Variants in UNC5D observed in about 807,000 individuals in gnomAD.
The protein encoded by UNC5D is unc-5 netrin receptor D, also known as netrin receptor UNC5D.
In UNC5D, 39 loss-of-function variants were observed where a neutral mutation model predicts 105.4. The observed-to-expected ratio is 0.37, with a 90% CI of 0.29 to 0.48. UNC5D has a LOEUF of 0.48. UNC5D is among the 20% of genes least tolerant of loss of function. UNC5D has a pLI of 0.98. For synonymous variants in UNC5D, 452 were observed against 450.4 expected (o/e 1.00, Z -0.04); for missense variants, 991 against 1,202.4 (o/e 0.82, Z 2.60).
chr8:35,391,441 T>C (rs1803765066), intron 1 of UNC5D, among the ~76,000 whole-genome samples: 1 of 152,214 alleles, frequency 6.6e-6, no homozygotes, highest in Admixed American at 6.5e-5. Context: ...TCAATTAATG[T>C]ATATTTTTAT....
chr8:35,272,568 A>G (rs1411881506), intron 1 of UNC5D, among the ~76,000 whole-genome samples: 1 of 151,982 alleles, frequency 6.6e-6, no homozygotes, highest in African/African-American at 2.4e-5. Flanking sequence ...CCCCAATGTC[A>G]CCTAACATGG....
In UNC5D at chr8:35,235,624, G is replaced by A. The variant is rs1367730459; in HGVS notation, c.-161G>A. Reference sequence around the variant, plus strand: ...TTTCTCGGGGTGCCCATTCAGCGGCGGCTCGGAGCTCCCTGCCCCGCTGCT... The same window carrying A: ...TTTCTCGGGGTGCCCATTCAGCGGCAGCTCGGAGCTCCCTGCCCCGCTGCT... On this transcript the variant is annotated 5_prime_UTR_variant, in exon 1 of 17. Transcript: ENST00000404895. 3 of 486,976 alleles carry A rather than the reference G, an allele frequency of 6.2e-6. No individual in the cohort carries two copies. Among genetic ancestry groups the A allele is most frequent in the Non-Finnish European group, 9.6e-6 (3 of 311,320 alleles). The allele number at this position is 486,976 out of a possible 1,614,324, so 30.2% of individuals were successfully genotyped here. A position where few individuals can be genotyped will look rare whatever the true frequency, so the allele number is the denominator to read the frequency against.
At chr8:35,553,363 A>C (rs1816306554) in intron 2 of UNC5D, among the ~76,000 whole-genome samples, 1 of 152,162 alleles carries the variant, frequency 6.6e-6, no homozygotes, top group Non-Finnish European at 1.5e-5. Flanking sequence ...CTTAAAAAAA[A>C]AAAAGAAAGC....
Position 35,796,429 on chromosome 8 carries a change from CAAAAAAAAAAAA to C in UNC5D, c.*5878_*5889del, listed in dbSNP as rs1160651781. The C allele has an allele frequency of 1.6e-5, 1 of 61,788 alleles. No individual in the cohort carries two copies. The highest frequency in any genetic ancestry group is 5.3e-5 in the African/African-American group (1 of 18,912). 3.8% of individuals were successfully genotyped at this position (61,788 alleles called of 1,614,324 possible). Reference sequence around the variant, plus strand: ...GTTTGGATGTTTTATGTCGAGTTTGCAAAAAAAAAAAAAAAAAAAAAAACTGGATGGTTGCAG... The same window carrying C: ...GTTTGGATGTTTTATGTCGAGTTTGCAAAAAAAAAAACTGGATGGTTGCAG... On this transcript the variant is annotated 3_prime_UTR_variant, in exon 17 of 17. Transcript: ENST00000404895.
At chr8:35,244,696 T>G (rs1289571705) in intron 1 of UNC5D, among the ~76,000 whole-genome samples, 1 of 152,186 alleles carries the variant, frequency 6.6e-6, no homozygotes, top group Non-Finnish European at 1.5e-5. Flanking sequence ...ACAGTAGTTT[T>G]TCTCAGGTTT....
chr8:35,611,010 CAA>C (rs11314770), intron 4 of UNC5D, among the ~76,000 whole-genome samples: 284 of 60,090 alleles, frequency 4.7e-3, no homozygotes, highest in East Asian at 0.015. Flanking sequence ...GACAAAGAAG[CAA>C]AAAAAAAAAA....
intron 3 of UNC5D, among the ~76,000 whole-genome samples, chr8:35,588,723 A>G (rs1441532907): frequency 6.6e-6 from 1 of 152,134 alleles, no homozygotes; most frequent in Non-Finnish European, 1.5e-5. Context: ...TTGCACTTCT[A>G]CACAACTCAT....
chr8:35,644,842 T>A (rs901935600), intron 4 of UNC5D, among the ~76,000 whole-genome samples: 3 of 152,194 alleles, frequency 2.0e-5, no homozygotes, highest in Non-Finnish European at 4.4e-5. Flanking sequence ...TAGATGTTTA[T>A]GTCTAGGATT....
At chr8:35,562,004 C>T (rs1398231057) in intron 2 of UNC5D, among the ~76,000 whole-genome samples, 1 of 152,074 alleles carries the variant, frequency 6.6e-6, no homozygotes, top group Non-Finnish European at 1.5e-5. Flanking sequence ...TTTTATTACC[C>T]ATTCTTCAAC....
chr8:35,375,636 A>C (rs1156860685), intron 1 of UNC5D, among the ~76,000 whole-genome samples: 2 of 152,334 alleles, frequency 1.3e-5, no homozygotes, highest in East Asian at 3.9e-4. Flanking sequence ...GTTACAAATC[A>C]CCAACATTTG....
chr8:35,265,239 C>T (rs895853021), intron 1 of UNC5D, among the ~76,000 whole-genome samples: 1 of 152,088 alleles, frequency 6.6e-6, no homozygotes, highest in Non-Finnish European at 1.5e-5. Context: ...TAATCATATT[C>T]TCTAAATATG....
intron 4 of UNC5D, among the ~76,000 whole-genome samples, chr8:35,609,141 T>A (rs745937028): frequency 5.9e-5 from 9 of 152,202 alleles, no homozygotes; most frequent in Non-Finnish European, 8.8e-5. Flanking sequence ...TGGCTTTAAT[T>A]TACATTTGTT....
intron 1 of UNC5D, among the ~76,000 whole-genome samples, chr8:35,501,268 T>A (rs569632055): frequency 4.6e-5 from 7 of 152,358 alleles, no homozygotes; most frequent in African/African-American, 1.7e-4. Flanking sequence ...CACTTCCAGG[T>A]GCTGCCTGAC....
At chr8:35,335,756 A>ATTTTTTTTTTTTTTT (rs35774459) in intron 1 of UNC5D, among the ~76,000 whole-genome samples, 29 of 90,452 alleles carry the variant, frequency 3.2e-4, no homozygotes, top group Non-Finnish European at 4.4e-4. Flanking sequence ...AGAGATTGCA[A>ATTTTTTTTTTTTTTT]TTTTTTTTTT....
chr8:35,529,379 G>T (rs1190804771), intron 1 of UNC5D, among the ~76,000 whole-genome samples: 1 of 144,894 alleles, frequency 6.9e-6, no homozygotes, highest in Admixed American at 6.9e-5. Flanking sequence ...CGTTATTTCT[G>T]AGGGCTCTGT....
intron 4 of UNC5D, among the ~76,000 whole-genome samples, chr8:35,604,289 T>C (rs2130942961): frequency 6.6e-6 from 1 of 152,330 alleles, no homozygotes; most frequent in Non-Finnish European, 1.5e-5. Context: ...ATTTTATTTC[T>C]CCTTCACTTA....
rs1433457393 is a variant in UNC5D at position 35,335,537 on chromosome 8, CTT to C, written c.103+99652_103+99653del. Among the ~76,000 whole-genome samples, 5 of 152,152 alleles carry C rather than the reference CTT, an allele frequency of 3.3e-5. No individual in the cohort carries two copies. In the East Asian group the frequency reaches 9.7e-4, roughly 29 times the overall value. ...TTTGTTAAGTTTAACAATTTGAAAA[CTT>C]TAGAAAATTTTAGTGTTAAAATTTT... On this transcript the variant is annotated intron_variant, in intron 1 of 16. Transcript: ENST00000404895.
chr8:35,695,704 T>G (rs997531910), intron 7 of UNC5D, among the ~76,000 whole-genome samples: 1 of 146,268 alleles, frequency 6.8e-6, no homozygotes. Flanking sequence ...CAGAAAGTAT[T>G]TTTATATTAT....
intron 1 of UNC5D, among the ~76,000 whole-genome samples, chr8:35,292,955 G>T (rs1424643241): frequency 6.6e-6 from 1 of 152,036 alleles, no homozygotes; most frequent in Non-Finnish European, 1.5e-5. Context: ...CTTCCAAATT[G>T]CTGGGATTAG....
Sources: allele counts gnomAD v4.1 joint callset (sites outside exome capture counted in the v4.1 genomes callset), GRCh38; gene constraint gnomAD v4.1.1; transcripts MANE v1.5; gene names NCBI Gene and HGNC (gene_info 2026-07-23, HGNC 2026-07-21).